Variants in COBLL1 observed in about 807,000 individuals in gnomAD.
COBLL1 encodes cordon-bleu protein-like 1.
A neutral mutation model predicts 94.8 loss-of-function variants in COBLL1; 50 were observed. The ratio of observed to expected loss-of-function variants is 0.53; its 90% CI spans 0.42 to 0.67. The LOEUF (loss-of-function observed/expected upper bound fraction) is 0.67, where lower values mean the gene tolerates loss of function less well. Among genes scored for constraint, COBLL1 ranks in the 30% least tolerant of loss-of-function variants. The pLI, the probability that COBLL1 is intolerant of heterozygous loss-of-function variation, is 0.00. For missense variants in COBLL1, 1,362 were observed against 1,348.7 expected (o/e 1.01, Z -0.15); for synonymous variants, 448 against 473.8 (o/e 0.95, Z 0.71).
In COBLL1 at chr2:164,838,153, C is replaced by A. The variant is rs73968287; in HGVS notation, c.41+3003G>T. ...GACTTCACCAGCACAGACCCTACGG[C>A]AGCCACTATTTCTGCACACCATTGC... On this transcript the variant is annotated intron_variant, in intron 2 of 13. Coordinates refer to ENST00000652658, the MANE Select transcript of COBLL1 (RefSeq NM_001365672.2). Among the ~76,000 whole-genome samples, 421 of 152,288 alleles carry A rather than the reference C, an allele frequency of 2.8e-3. 4 individuals carry two copies. The highest frequency in any genetic ancestry group is 9.7e-3 in the African/African-American group (402 of 41,556).
In COBLL1 at chr2:164,827,695, G is replaced by A. The variant is rs140420377; in HGVS notation, c.41+13461C>T. Among the ~76,000 whole-genome samples the A allele has an allele frequency of 3.7e-3, 569 of 152,266 alleles. 1 individual carries two copies. Among genetic ancestry groups the A allele is most frequent in the African/African-American group, 0.013 (551 of 41,544 alleles). ...TCAGGGTGTTGACACAAATGAGTAT[G>A]AATTCTTATGTACTAGTCACACAAT... On this transcript the variant is annotated intron_variant, in intron 2 of 13. Transcript: ENST00000652658.
chr2:164,827,898 G>T (rs535653876), intron 2 of COBLL1, among the ~76,000 whole-genome samples: 3 of 152,252 alleles, frequency 2.0e-5, no homozygotes, highest in Non-Finnish European at 4.4e-5. Context: ...AAATGAAAAT[G>T]TTATTCAGAA....
At chr2:164,724,003 G>A (rs1456242396) in intron 5 of COBLL1, 1 of 152,172 alleles carries the variant, frequency 6.6e-6, no homozygotes, top group Non-Finnish European at 1.5e-5. Flanking sequence ...ATATTGGCCA[G>A]GCTGGTCTCG....
At chr2:164,678,895 A>G (rs1682917052), downstream of COBLL1, among the ~76,000 whole-genome samples, 1 of 152,170 alleles carries the variant, frequency 6.6e-6, no homozygotes, top group Non-Finnish European at 1.5e-5. Flanking sequence ...TGTTGGAAAG[A>G]AAATGGTCAA....
intron 2 of COBLL1, among the ~76,000 whole-genome samples, chr2:164,748,809 C>G (rs564874231): frequency 8.5e-5 from 13 of 152,218 alleles, no homozygotes; most frequent in Non-Finnish European, 1.5e-4. Flanking sequence ...ATTCATTATT[C>G]AAGCTTAAAA....
intron 2 of COBLL1, among the ~76,000 whole-genome samples, chr2:164,815,590 C>T (rs561420163): frequency 5.9e-5 from 9 of 152,200 alleles, no homozygotes; most frequent in Admixed American, 5.9e-4. Flanking sequence ...AGGGATAAAA[C>T]ATGAACCCTA....
chr2:164,670,144 G>A (rs1691222337), intron 1 of COBLL1, among the ~76,000 whole-genome samples: 1 of 152,126 alleles, frequency 6.6e-6, no homozygotes, highest in Non-Finnish European at 1.5e-5. Flanking sequence ...ATCTTCACAA[G>A]CACTCTATAA....
chr2:164,775,745 C>T (rs556331512), intron 2 of COBLL1, among the ~76,000 whole-genome samples: 15 of 152,278 alleles, frequency 9.9e-5, no homozygotes, highest in East Asian at 1.9e-4. Context: ...TGAGCCACGG[C>T]ACCTGGCCCT....
intron 2 of COBLL1, among the ~76,000 whole-genome samples, chr2:164,789,222 G>A (rs1387869586): frequency 6.6e-6 from 1 of 151,970 alleles, no homozygotes; most frequent in Non-Finnish European, 1.5e-5. Context: ...TTAAGATAGG[G>A]TATTAGATTG....
chr2:164,740,929 A>G (rs547216486), intron 3 of COBLL1, among the ~76,000 whole-genome samples: 1 of 152,124 alleles, frequency 6.6e-6, no homozygotes, highest in Non-Finnish European at 1.5e-5. Flanking sequence ...AAAGAAATAG[A>G]GTATTTGTAG....
intron 2 of COBLL1, among the ~76,000 whole-genome samples, chr2:164,798,681 T>C (rs1683598474): frequency 6.6e-6 from 1 of 152,160 alleles, no homozygotes; most frequent in South Asian, 2.1e-4. Context: ...TATTTGGTTC[T>C]ATTCACAGCA....
rs992565088 is a variant in COBLL1 at position 164,685,441 on chromosome 2, C to T, written c.*505G>A. ...TTCATCATTGAAAATAATTATTGAA[C>T]TGAATATACTTATTTGGTATCACTA... On this transcript the variant is annotated 3_prime_UTR_variant, in exon 14 of 14. Coordinates refer to ENST00000652658, the MANE Select transcript of COBLL1 (RefSeq NM_001365672.2). 1.3e-5 allele frequency: 2 copies of T among 152,146 alleles called. No individual in the cohort carries two copies. Among genetic ancestry groups the T allele is most frequent in the East Asian group, 1.9e-4 (1 of 5,194 alleles). The allele number at this position is 152,146 out of a possible 1,614,324, so 9.4% of individuals were successfully genotyped here.
At chr2:164,749,804 T>G (rs1010249353) in intron 2 of COBLL1, among the ~76,000 whole-genome samples, 1 of 152,186 alleles carries the variant, frequency 6.6e-6, no homozygotes, top group Non-Finnish European at 1.5e-5. Context: ...TTACATTTTT[T>G]TTTTCTCAAG....
At chr2:164,816,286 C>A (rs1993291) in intron 2 of COBLL1, among the ~76,000 whole-genome samples, 53,558 of 151,708 alleles carry the variant, frequency 0.35, 9,637 homozygotes, top group Admixed American at 0.41. Context: ...TGTGAAACTC[C>A]CCAGTCTTCA....
At chr2:164,830,283 C>G (rs1055093735) in intron 2 of COBLL1, among the ~76,000 whole-genome samples, 14 of 152,166 alleles carry the variant, frequency 9.2e-5, no homozygotes, top group African/African-American at 3.4e-4. Flanking sequence ...CTACGCTTTA[C>G]AGTAATATAT....
chr2:164,696,101 A>C (rs1683930646), intron 11 of COBLL1: 1 of 336,232 alleles, frequency 3.0e-6, no homozygotes, highest in African/African-American at 2.2e-5. Flanking sequence ...TTGCTCAGAC[A>C]TAAAAAGGTG....
chr2:164,673,300 GA>G (rs1413187523), intron 1 of COBLL1, among the ~76,000 whole-genome samples: 3 of 152,202 alleles, frequency 2.0e-5, no homozygotes, highest in Admixed American at 2.0e-4. Context: ...GCGCAATGGA[GA>G]GGGGGGCATT....
intron 1 of COBLL1, among the ~76,000 whole-genome samples, chr2:164,671,686 T>C: frequency 6.6e-6 from 1 of 152,168 alleles, no homozygotes; most frequent in East Asian, 1.9e-4. Context: ...ATAAGGACAT[T>C]TAGACAATGG....
intron 2 of COBLL1, among the ~76,000 whole-genome samples, chr2:164,810,864 C>A (rs1169095167): frequency 1.3e-5 from 2 of 151,884 alleles, no homozygotes; most frequent in Non-Finnish European, 2.9e-5. Flanking sequence ...TTTGTCAAAA[C>A]ATTCTTACTG....
Sources: allele counts gnomAD v4.1 joint callset (sites outside exome capture counted in the v4.1 genomes callset), GRCh38; gene constraint gnomAD v4.1.1; transcripts MANE v1.5; gene names NCBI Gene and HGNC (gene_info 2026-07-23, HGNC 2026-07-21).